The following INSR variants were observed in gnomAD, a reference collection of about 807,000 sequenced individuals.
INSR encodes the protein insulin receptor.
INSR carries 67 observed loss-of-function variants against 142.6 expected under a neutral mutation model. The ratio of observed to expected loss-of-function variants is 0.47; its 90% confidence interval spans 0.39 to 0.58. The LOEUF is 0.58. INSR is among the 20% of genes least tolerant of loss of function. INSR has a pLI of 0.00. For missense variants in INSR, 1,248 were observed against 1,833.2 expected, an observed-to-expected ratio of 0.68 and a Z score of 5.83; for synonymous variants, 756 against 743.1, an observed-to-expected ratio of 1.02 and a Z score of -0.28.
intron 1 of INSR, among the ~76,000 whole-genome samples, chr19:7,272,900 C>G (rs549531414): frequency 1.1e-4 from 17 of 152,118 alleles, no homozygotes; most frequent in Admixed American, 4.6e-4. Context: ...CAGAGAAGGC[C>G]ACATGTTGTC....
intron 2 of INSR, among the ~76,000 whole-genome samples, chr19:7,227,792 G>A (rs931762501): frequency 6.6e-5 from 10 of 151,398 alleles, no homozygotes; most frequent in Middle Eastern, 3.4e-3. Flanking sequence ...CCACAGTCGC[G>A]GTACAGATTG....
chr19:7,130,561 A>T (rs1296158305), intron 14 of INSR, among the ~76,000 whole-genome samples: 1 of 152,106 alleles, frequency 6.6e-6, no homozygotes, highest in Non-Finnish European at 1.5e-5. Flanking sequence ...TTCTCATGGG[A>T]TCTGGTTGTT....
At chr19:7,130,598 G>A (rs544975895) in intron 14 of INSR, among the ~76,000 whole-genome samples, 3 of 152,088 alleles carry the variant, frequency 2.0e-5, no homozygotes, top group Non-Finnish European at 2.9e-5. Flanking sequence ...CCATCTCCCC[G>A]TCTTAACACC....
At chr19:7,219,705 G>A (rs1235550803) in intron 2 of INSR, among the ~76,000 whole-genome samples, 1 of 152,140 alleles carries the variant, frequency 6.6e-6, no homozygotes, top group East Asian at 1.9e-4. Context: ...AGAAAAGAAC[G>A]ATTGCTGGCT....
At chr19:7,237,358 A>T (rs983877240) in intron 2 of INSR, among the ~76,000 whole-genome samples, 2 of 151,002 alleles carry the variant, frequency 1.3e-5, no homozygotes, top group Non-Finnish European at 3.0e-5. Flanking sequence ...CTCTACTAAA[A>T]CTATAAAAAT....
chr19:7,212,895 A>T (rs1407724507), intron 2 of INSR, among the ~76,000 whole-genome samples: 1 of 151,990 alleles, frequency 6.6e-6, no homozygotes, highest in Non-Finnish European at 1.5e-5. Flanking sequence ...CCAGAGAGAA[A>T]GTTCCATCTG....
intron 15 of INSR, 26 bp downstream of exon 15, chr19:7,128,826 C>T (rs1244609462): frequency 1.3e-6 from 2 of 1,494,002 alleles, no homozygotes; most frequent in Admixed American, 1.7e-5. Flanking sequence ...CTGTTCCCAG[C>T]ACACCACTGA....
intron 1 of INSR, among the ~76,000 whole-genome samples, chr19:7,269,038 C>CCACACA (rs141333611): frequency 0.24 from 35,112 of 146,660 alleles, 4,218 homozygotes; most frequent in African/African-American, 0.31. Context: ...ACCCACACAC[C>CCACACA]CACACACACA....
chr19:7,198,291 C>G (rs553675585), intron 2 of INSR, among the ~76,000 whole-genome samples: 1 of 151,684 alleles, frequency 6.6e-6, no homozygotes, highest in Non-Finnish European at 1.5e-5. Flanking sequence ...GGCTCCGCTC[C>G]CCAGACTGGC....
At chr19:7,257,384 A>C (rs1335604705) in intron 2 of INSR, among the ~76,000 whole-genome samples, 1 of 151,120 alleles carries the variant, frequency 6.6e-6, no homozygotes, top group African/African-American at 2.4e-5. Flanking sequence ...CATGATTTCC[A>C]GGTGCTCTGC....
At chr19:7,186,484 G>T (rs1007045526) in intron 2 of INSR, among the ~76,000 whole-genome samples, 1 of 151,920 alleles carries the variant, frequency 6.6e-6, no homozygotes, top group Admixed American at 6.6e-5. Flanking sequence ...TTTAATTGTG[G>T]TAAAATACAC....
At chr19:7,135,288 A>AG (rs543936680) in intron 13 of INSR, among the ~76,000 whole-genome samples, 133 of 140,470 alleles carry the variant, frequency 9.5e-4, no homozygotes, top group Non-Finnish European at 1.6e-3. Context: ...TCCAGGACAA[A>AG]GGGGAAATGC....
At position 7,117,180 on chromosome 19, in the gene INSR, C is replaced by T. The variant is rs1972354572; in HGVS notation, c.4025G>A (p.Gly1342Asp). The T allele has an allele frequency of 1.9e-6, 3 of 1,614,110 alleles. No homozygotes were observed. The highest frequency in any genetic ancestry group is 2.5e-6 in the Non-Finnish European group (3 of 1,179,984). The change falls in exon 22 of 22, where the codon GGC becomes GAC. Residue 1342 changes from glycine (G) to aspartate (D), a missense_variant. This residue lies in a region of INSR where 122 missense variants were observed against 129.8 expected (regional missense o/e 0.94). Transcript: ENST00000302850. ...SSHCQREEAG[G>D]RDGGSSLGFK... ...ACCCAGCGAGGACCCTCCATCCCGG[C>T]CCCCCGCCTCCTCCCTCTGACAGTG...
chr19:7,171,637 C>A (rs1000456017), intron 5 of INSR, among the ~76,000 whole-genome samples: 1 of 152,146 alleles, frequency 6.6e-6, no homozygotes, highest in African/African-American at 2.4e-5. Context: ...AGGGAATGTT[C>A]ATTTTATGCA....
chr19:7,178,116 TG>T (rs1440630284), intron 3 of INSR, among the ~76,000 whole-genome samples: 4 of 151,914 alleles, frequency 2.6e-5, no homozygotes, highest in Non-Finnish European at 5.9e-5. Flanking sequence ...TTTTTGTGAC[TG>T]TAGGATCATA....
intron 2 of INSR, among the ~76,000 whole-genome samples, chr19:7,212,382 C>T (rs1187833297): frequency 6.6e-6 from 1 of 152,156 alleles, no homozygotes; most frequent in Non-Finnish European, 1.5e-5. Flanking sequence ...TCCCCGGGAC[C>T]CAAGCCCTGC....
At chr19:7,153,314 C>T (rs2144897078) in intron 9 of INSR, among the ~76,000 whole-genome samples, 1 of 76,512 alleles carries the variant, frequency 1.3e-5, no homozygotes, top group African/African-American at 3.8e-5. Flanking sequence ...ACACAAATCA[C>T]ACACACACCA....
Position 7,215,556 on chromosome 19 carries a change from G to GTATTTATTTATTTATTTATT in INSR, c.653-30939_653-30920dup, listed in dbSNP as rs146786396. The stretch of plus-strand genomic sequence containing the variant: ...GAAAACTACCGAGCTTCCTTTTCCT[G>GTATTTATTTATTTATTTATT]TATTTATTTATTTATTTATTTATTT... On this transcript the variant is annotated intron_variant, in intron 2 of 21. Coordinates refer to ENST00000302850, the MANE Select transcript of INSR (RefSeq NM_000208.4). 1.4e-3 allele frequency among the ~76,000 whole-genome samples: 213 copies of GTATTTATTTATTTATTTATT among 148,406 alleles called. 3 individuals are homozygous for GTATTTATTTATTTATTTATT. Among genetic ancestry groups the GTATTTATTTATTTATTTATT allele is most frequent in the African/African-American group, 4.9e-3 (195 of 40,178 alleles).
At chr19:7,132,762 T>C (rs928585625) in intron 13 of INSR, among the ~76,000 whole-genome samples, 2 of 152,028 alleles carry the variant, frequency 1.3e-5, no homozygotes, top group Non-Finnish European at 2.9e-5. Context: ...TGCCTAATTT[T>C]GTATTTTCAG....
Sources: gnomAD v4.1 joint callset for allele counts (sites outside exome capture counted in the v4.1 genomes callset) on GRCh38, gnomAD v4.1.1 for gene constraint, gnomAD v4.1.1 regional missense constraint, MANE v1.5 for transcripts, NCBI Gene and HGNC (gene_info 2026-07-23, HGNC 2026-07-21) for gene names.